Variants in IGSF6 observed in about 807,000 individuals in gnomAD.
IGSF6 encodes the protein immunoglobulin superfamily member 6, also known as down-regulated by activation (immunoglobulin superfamily).
IGSF6 carries 23 observed loss-of-function variants against 24.7 expected under a neutral mutation model. The ratio of observed to expected loss-of-function variants is 0.93; its 90% CI spans 0.67 to 1.32. IGSF6 has a LOEUF of 1.32. IGSF6 is among the 40% of genes most tolerant of loss of function. The pLI is 0.00. For missense variants in IGSF6, 295 were observed against 293.6 expected (o/e 1.00, Z -0.04); for synonymous variants, 110 against 113.7 (o/e 0.97, Z 0.21).
chr16:21,649,024 T>C (rs1966500129), intron 1 of IGSF6, among the ~76,000 whole-genome samples: 1 of 152,150 alleles, frequency 6.6e-6, no homozygotes, highest in African/African-American at 2.4e-5. Flanking sequence ...GGACAGAGTC[T>C]CTGTCTCCCA....
chr16:21,641,724 G>C (rs538012389), intron 5 of IGSF6, 131 bp from the exon 6 acceptor site: 6 of 487,252 alleles, frequency 1.2e-5, no homozygotes, highest in Middle Eastern at 2.8e-4. Flanking sequence ...AATCTTAAAG[G>C]CCAGATTACC....
chr16:21,651,143 A>T (rs1966563627), intron 1 of IGSF6, among the ~76,000 whole-genome samples: 2 of 152,292 alleles, frequency 1.3e-5, no homozygotes, highest in East Asian at 1.9e-4. Flanking sequence ...GAATGGCGTG[A>T]ACCCGGGAGG....
Position 21,641,514 on chromosome 16 carries a change from C to T in IGSF6, c.*20G>A. 1.3e-6 allele frequency: 2 copies of T among 1,505,874 alleles called. No homozygotes were observed. The highest frequency in any genetic ancestry group is 1.8e-6 in the Non-Finnish European group (2 of 1,089,670). The allele number at this position is 1,505,874 out of a possible 1,614,324, so 93.3% of individuals were successfully genotyped here. ...CCTGGAGTTGGATTTTCAGTGACTT[C>T]ATTGAAAATTAAAACGTTTCTATGG... On this transcript the variant is annotated 3_prime_UTR_variant, in exon 6 of 6. Transcript: ENST00000268389.
At position 21,639,925 on chromosome 16, in the gene IGSF6, TTTTATTTATTTA is replaced by T. The variant is rs113376697; in HGVS notation, c.*1597_*1608del. ...ATACCAGTTTAAAAGAAACACTTTA[TTTTATTTATTTA>T]TTTATTTATTTATTTATTTTTGAGA... On this transcript the variant is annotated 3_prime_UTR_variant, in exon 6 of 6. Transcript: ENST00000268389. 16 of 151,252 alleles carry T rather than the reference TTTTATTTATTTA, an allele frequency of 1.1e-4. No homozygotes were observed. The East Asian group carries it at 1.8e-3, about 17-fold the overall frequency. The allele number at this position is 151,252 out of a possible 1,614,324, so 9.4% of individuals were successfully genotyped here.
chr16:21,645,378 G>A (rs1311022502), intron 2 of IGSF6, among the ~76,000 whole-genome samples: 8 of 152,060 alleles, frequency 5.3e-5, no homozygotes, highest in African/African-American at 1.4e-4. Flanking sequence ...GCTTGAACCC[G>A]GAAGGTGGAG....
rs1966266569 is a variant in IGSF6, at chr16:21,641,455, C to T, written c.*79G>A. On this transcript the variant is annotated 3_prime_UTR_variant, in exon 6 of 6. Transcript: ENST00000268389. ...GTTTACCTTTATTTTTTTTTAAGAC[C>T]TGATGATATATGTTCATTAACACTG... The T allele has an allele frequency of 8.5e-6, 6 of 705,320 alleles. No individual in the cohort carries two copies. Among genetic ancestry groups the T allele is most frequent in the African/African-American group, 1.9e-5 (1 of 53,690 alleles). The allele number at this position is 705,320 out of a possible 1,614,324, so 43.7% of individuals were successfully genotyped here. A position where few individuals can be genotyped will look rare whatever the true frequency, so the allele number is the denominator to read the frequency against.
chr16:21,643,027 G>T (rs367715461), intron 5 of IGSF6, 47 bp downstream of exon 5: 4 of 1,306,748 alleles, frequency 3.1e-6, no homozygotes, highest in Non-Finnish European at 4.4e-6. Context: ...TTTTTCAAAC[G>T]TGCTTTATAT....
rs756317662 is a variant in IGSF6, at chr16:21,647,425, C to G, written c.135G>C (p.Glu45Asp). 6.2e-7 allele frequency: 1 copy of G among 1,613,896 alleles called. No homozygotes were observed. Among genetic ancestry groups the G allele is most frequent in the Non-Finnish European group, 8.5e-7 (1 of 1,179,996 alleles). The stretch of plus-strand genomic sequence containing the variant: ...AGAAGGTACACTTTATGGTGACGGC[C>G]TCATGAGTGTAGTCCACTTCTAGGT... ...PWYLEVDYTH[E>D]AVTIKCTFSA... Residue 45 changes from glutamate to aspartate, a missense_variant, in exon 2 of 6, where the codon GAG (glutamate) becomes GAC (aspartate). Coordinates refer to ENST00000268389, the MANE Select transcript of IGSF6 (RefSeq NM_005849.4).
At chr16:21,641,661 A>C in intron 5 of IGSF6, 68 bp from the exon 6 acceptor site, 1 of 963,078 alleles carries the variant, frequency 1.0e-6, no homozygotes, top group Non-Finnish European at 1.6e-6. Flanking sequence ...CTGCCAAGGA[A>C]CATGCAAACC....
intron 1 of IGSF6, 34 bp downstream of exon 1, chr16:21,652,498 A>G (rs776240570): frequency 1.9e-6 from 3 of 1,548,880 alleles, no homozygotes; most frequent in Admixed American, 1.8e-5. Context: ...GTTGATTTAA[A>G]TAAAATGAAG....
intron 1 of IGSF6, among the ~76,000 whole-genome samples, chr16:21,649,059 C>T (rs531155305): frequency 7.2e-5 from 11 of 152,180 alleles, no homozygotes; most frequent in South Asian, 4.1e-4. Flanking sequence ...GGTGCAATCA[C>T]GGCACACTGC....
Position 21,647,447 on chromosome 16 carries a change from A to G in IGSF6, c.113T>C (p.Leu38Pro). The part of the protein sequence containing the change: ...CTLSVTQPWY[L>P]EVDYTHEAVT... ...GGCCTCATGAGTGTAGTCCACTTCT[A>G]GGTACCACGGTTGTGTGACAGAGAG... is the stretch of plus-strand genomic sequence containing the variant. Residue 38 changes from leucine to proline, a missense_variant, in exon 2 of 6, where the codon CTA becomes CCA. By Grantham distance (98) the Leu-to-Pro change is moderately conservative. Coordinates refer to ENST00000268389, the MANE Select transcript of IGSF6 (RefSeq NM_005849.4). 6.2e-7 allele frequency: 1 copy of G among 1,614,056 alleles called. No homozygotes were observed. The highest frequency in any genetic ancestry group is 8.5e-7 in the Non-Finnish European group (1 of 1,180,002).
chr16:21,640,720 T>C lies in IGSF6; in HGVS notation c.*814A>G, dbSNP rs1169526808. 8.0e-5 allele frequency: 12 copies of C among 149,348 alleles called. No individual in the cohort carries two copies. The highest frequency in any genetic ancestry group is 1.2e-4 in the Non-Finnish European group (8 of 67,596). 9.3% of individuals were successfully genotyped at this position (149,348 alleles called of 1,614,324 possible). On this transcript the variant is annotated 3_prime_UTR_variant, in exon 6 of 6. Transcript: ENST00000268389. ...AGGTGGAGGTTGTAGTGAGCCGAGA[T>C]TGCACCACTGCACTCCACCCTGGGC...
At chr16:21,652,111 G>A (rs1221137777) in intron 1 of IGSF6, 1 of 152,780 alleles carries the variant, frequency 6.5e-6, no homozygotes, top group African/African-American at 2.4e-5. Context: ...CTATGGGATG[G>A]CTATTGGAGT....
chr16:21,650,508 CAAAA>C (rs3046229), intron 1 of IGSF6, among the ~76,000 whole-genome samples: 3 of 89,980 alleles, frequency 3.3e-5, no homozygotes, highest in Admixed American at 1.2e-4. Context: ...ACTCTTGTCT[CAAAA>C]AAAAAAAAAA....
intron 2 of IGSF6, chr16:21,646,729 A>C (rs541657848): frequency 2.1e-4 from 60 of 292,632 alleles, no homozygotes; most frequent in Non-Finnish European, 3.6e-4. Flanking sequence ...ATCTCGGTTC[A>C]CTGCAACCTT....
intron 1 of IGSF6, 75 bp downstream of exon 1, chr16:21,652,456 TA>T: frequency 8.5e-7 from 1 of 1,177,166 alleles, no homozygotes; most frequent in Non-Finnish European, 1.2e-6. Flanking sequence ...TGAAGGAGCT[TA>T]AAATATAAAT....
At chr16:21,650,244 C>T (rs562750028) in intron 1 of IGSF6, among the ~76,000 whole-genome samples, 4 of 152,226 alleles carry the variant, frequency 2.6e-5, no homozygotes, top group African/African-American at 9.6e-5. Context: ...TGGTGGCTCA[C>T]GCCTGTAATC....
rs553537171 is a variant in IGSF6, at chr16:21,641,869, C to T, written c.667-276G>A. Among the ~76,000 whole-genome samples the T allele has an allele frequency of 8.5e-5, 13 of 152,208 alleles. No homozygotes were observed. The East Asian group carries it at 2.5e-3, about 29-fold the overall frequency. ...CTAAGACTGCTTTCAGGCCACATAC[C>T]TCGGCCTTGTTGTTGAAAACATGTC... On this transcript the variant is annotated intron_variant, in intron 5 of 5. Transcript: ENST00000268389.
Sources: allele counts gnomAD v4.1 joint callset (sites outside exome capture counted in the v4.1 genomes callset), GRCh38; gene constraint gnomAD v4.1.1; transcripts MANE v1.5; gene names NCBI Gene and HGNC (gene_info 2026-07-23, HGNC 2026-07-21).